NFATC2IP: variants seen among roughly 807,000 people sequenced by gnomAD.
NFATC2IP encodes the protein nuclear factor of activated T cells 2 interacting protein.
A neutral mutation model predicts 40.2 loss-of-function variants in NFATC2IP; 25 were observed. The observed-to-expected ratio is 0.62, with a 90% CI of 0.45 to 0.87. The LOEUF is 0.87. NFATC2IP is among the 40% of genes least tolerant of loss of function. The pLI, the probability that NFATC2IP is intolerant of heterozygous loss-of-function variation, is 0.00. For missense variants in NFATC2IP, 553 were observed against 555.6 expected (o/e 1.00, Z 0.05); for synonymous variants, 241 against 236.3 (o/e 1.02, Z -0.18).
chr16:28,963,172 A>T (rs188459505), intron 7 of NFATC2IP, among the ~76,000 whole-genome samples: 2 of 152,332 alleles, frequency 1.3e-5, no homozygotes, highest in Admixed American at 6.5e-5. Flanking sequence ...CCAATCCAGT[A>T]CAACCTCAAC....
rs2141636496 is a variant in NFATC2IP, at chr16:28,951,008, T to C, written c.-4T>C. 3 of 1,501,182 alleles carry C rather than the reference T, an allele frequency of 2.0e-6. No homozygotes were observed. Among genetic ancestry groups the C allele is most frequent in the East Asian group, 2.4e-5 (1 of 40,824 alleles). The allele number at this position is 1,501,182 out of a possible 1,614,324, so 93.0% of individuals were successfully genotyped here. On this transcript the variant is annotated 5_prime_UTR_variant, in exon 1 of 8. Coordinates refer to ENST00000320805, the MANE Select transcript of NFATC2IP (RefSeq NM_032815.4). ...CGGGCGTGTGTTGTGGAGGAAAGTG[T>C]GCCATGGCGGAGCCTGTGGGGAAGC...
chr16:28,956,939 C>G (rs1965028725), intron 5 of NFATC2IP: 1 of 152,202 alleles, frequency 6.6e-6, no homozygotes, highest in African/African-American at 2.4e-5. Flanking sequence ...ATCAGTCAAG[C>G]AACTAAGGCA....
chr16:28,960,882 C>T (rs1373333542), intron 7 of NFATC2IP, among the ~76,000 whole-genome samples: 1 of 152,194 alleles, frequency 6.6e-6, no homozygotes, highest in Non-Finnish European at 1.5e-5. Flanking sequence ...GCCTTCTGTT[C>T]ATAACAATAT....
At chr16:28,963,583 G>A in intron 7 of NFATC2IP, 122 bp from the exon 8 acceptor site, 1 of 800,782 alleles carries the variant, frequency 1.2e-6, no homozygotes. Context: ...CCCGCATGGG[G>A]CCCTGACTTT....
rs756058734 is a variant in NFATC2IP at position 28,965,878 on chromosome 16, A to G, written c.*2015A>G. On this transcript the variant is annotated 3_prime_UTR_variant, in exon 8 of 8. Coordinates refer to ENST00000320805, the MANE Select transcript of NFATC2IP (RefSeq NM_032815.4). The stretch of plus-strand genomic sequence containing the variant: ...AAGACCACCCTGACCAACTTGGTGA[A>G]ATCCCATCTCTACTAAAAATACAAA... 3.3e-5 allele frequency: 5 copies of G among 151,704 alleles called. No homozygotes were observed. Among genetic ancestry groups the G allele is most frequent in the Non-Finnish European group, 7.4e-5 (5 of 67,932 alleles). The allele number at this position is 151,704 out of a possible 1,614,324, so 9.4% of individuals were successfully genotyped here.
At chr16:28,952,437 C>T in intron 2 of NFATC2IP, 1 of 576,488 alleles carries the variant, frequency 1.7e-6, no homozygotes, top group Non-Finnish European at 2.9e-6. Context: ...CTGGGCGGGG[C>T]AGGAGGCGGT....
intron 5 of NFATC2IP, 155 bp from the exon 6 acceptor site, chr16:28,958,562 G>A (rs911218887): frequency 1.5e-5 from 10 of 667,816 alleles, no homozygotes; most frequent in Middle Eastern, 5.1e-4. Context: ...TTGCTGACAC[G>A]ATTTTATTCT....
At position 28,958,044 on chromosome 16, in the gene NFATC2IP, A is replaced by T. The variant is rs191741976; in HGVS notation, c.847-673A>T. Among the ~76,000 whole-genome samples, 4 of 151,854 alleles carry T rather than the reference A, an allele frequency of 2.6e-5. 1 individual carries two copies. The highest frequency in any genetic ancestry group is 2.6e-4 in the Admixed American group (4 of 15,232). On this transcript the variant is annotated intron_variant, in intron 5 of 7. Coordinates refer to ENST00000320805, the MANE Select transcript of NFATC2IP (RefSeq NM_032815.4). Reference sequence around the variant, plus strand: ...ATGAAAGAGCGAGACTCTGCCTCAGATCTCACCTGAGATCAGGAGTTCAAG... The same window carrying T: ...ATGAAAGAGCGAGACTCTGCCTCAGTTCTCACCTGAGATCAGGAGTTCAAG...
intron 5 of NFATC2IP, 94 bp from the exon 6 acceptor site, chr16:28,958,623 G>A (rs1965048109): frequency 1.9e-6 from 2 of 1,051,886 alleles, no homozygotes; most frequent in Non-Finnish European, 2.8e-6. Context: ...AGCTTAGCAA[G>A]TAGCTAAGGC....
intron 7 of NFATC2IP, among the ~76,000 whole-genome samples, chr16:28,961,580 T>G (rs112206395): frequency 6.6e-6 from 1 of 151,862 alleles, no homozygotes; most frequent in Non-Finnish European, 1.5e-5. Context: ...AAACTCAGGA[T>G]TTTTTTCTTT....
At position 28,961,325 on chromosome 16, in the gene NFATC2IP, GAAAAAAAAAAAAAAAA is replaced by G. The variant is rs138576594; in HGVS notation, c.1101+2239_1101+2254del. 8.4e-4 allele frequency among the ~76,000 whole-genome samples: 44 copies of G among 52,258 alleles called. No homozygotes were observed. The Admixed American group carries it at 0.011, about 13-fold the overall frequency. The allele number at this position is 52,258 out of a possible 152,430, so 34.3% of individuals were successfully genotyped here. A position where few individuals can be genotyped will look rare whatever the true frequency, so the allele number is the denominator to read the frequency against. ...CCTGGGAGACAGCAAGACCCTATCT[GAAAAAAAAAAAAAAAA>G]AAAAAAAAAAAAATTATTCCAGCCC... is the stretch of plus-strand genomic sequence containing the variant. On this transcript the variant is annotated intron_variant, in intron 7 of 7. Coordinates refer to ENST00000320805, the MANE Select transcript of NFATC2IP (RefSeq NM_032815.4).
rs146213110 is a variant in NFATC2IP, at chr16:28,956,508, C to T, written c.846+171C>T. ...CCTGCCTTCACACTTTTTGTTTCCT[C>T]TGTCTGCATTTTCCCAACGCTCCCC... On this transcript the variant is annotated intron_variant, in intron 5 of 7. Transcript: ENST00000320805. 501 of 592,770 alleles carry T rather than the reference C, an allele frequency of 8.5e-4. 4 individuals carry two copies. Among genetic ancestry groups the T allele is most frequent in the African/African-American group, 8.3e-3 (445 of 53,786 alleles). The allele number at this position is 592,770 out of a possible 1,614,324, so 36.7% of individuals were successfully genotyped here. A position where few individuals can be genotyped will look rare whatever the true frequency, so the allele number is the denominator to read the frequency against.
rs1965020040 is a variant in NFATC2IP at position 28,956,242 on chromosome 16, G to A, written c.751G>A (p.Val251Ile). 6.2e-7 allele frequency: 1 copy of A among 1,614,002 alleles called. No homozygotes were observed. The highest frequency in any genetic ancestry group is 8.5e-7 in the Non-Finnish European group (1 of 1,179,906). Residue 251 changes from valine (V) to isoleucine (I), a missense_variant, in exon 5 of 8, where the codon GTC becomes ATC. Physicochemically the swap from Val to Ile is conservative, Grantham distance 29 (BLOSUM62 3). Coordinates refer to ENST00000320805, the MANE Select transcript of NFATC2IP (RefSeq NM_032815.4). ...GCAACAGGGCCAAGAGGATGAAGTG[G>A]TCTTGGTGGAAGGGCCCACCCTCCC... ...QEQQGQEDEV[V>I]LVEGPTLPET...
chr16:28,951,483 C>T, intron 1 of NFATC2IP, 85 bp downstream of exon 1: 1 of 1,267,950 alleles, frequency 7.9e-7, no homozygotes, highest in Non-Finnish European at 1.0e-6. Flanking sequence ...GAGGGTAGGG[C>T]TATAGGGGTG....
At position 28,951,080 on chromosome 16, in the gene NFATC2IP, C is replaced by T. The variant is rs530476314; in HGVS notation, c.69C>T (p.Gly23=). ...GGSGAGRGGR[G]GWGGRGRRPR... ...GCGGTGCCGGCCGAGGGGGTCGGGG[C>T]GGCTGGGGCGGTCGGGGCCGGCGTC... The change falls in exon 1 of 8, where the codon GGC becomes GGT. Residue 23 remains glycine (G), a synonymous_variant. Transcript: ENST00000320805. The T allele has an allele frequency of 2.5e-5, 39 of 1,541,392 alleles. No individual in the cohort carries two copies. Among genetic ancestry groups the T allele is most frequent in the African/African-American group, 1.4e-4 (10 of 72,256 alleles).
At position 28,964,657 on chromosome 16, in the gene NFATC2IP, G is replaced by A. The variant is rs1277770306; in HGVS notation, c.*794G>A. ...AGCACCCATGTCTTTGAATATGAAT[G>A]TATTTGTAAAATACCACGTTTCATG... On this transcript the variant is annotated 3_prime_UTR_variant, in exon 8 of 8. Transcript: ENST00000320805. 1 of 152,260 alleles carries A rather than the reference G, an allele frequency of 6.6e-6. No homozygotes were observed. The highest frequency in any genetic ancestry group is 2.4e-5 in the African/African-American group (1 of 41,416). 9.4% of individuals were successfully genotyped at this position (152,260 alleles called of 1,614,324 possible).
At chr16:28,959,615 G>A (rs910536260) in intron 7 of NFATC2IP, among the ~76,000 whole-genome samples, 13 of 131,950 alleles carry the variant, frequency 9.9e-5, no homozygotes, top group African/African-American at 3.5e-4. Flanking sequence ...TCGCCCTGTC[G>A]CCCAGGCTGA....
At chr16:28,962,791 A>C (rs1226578624) in intron 7 of NFATC2IP, among the ~76,000 whole-genome samples, 1 of 152,154 alleles carries the variant, frequency 6.6e-6, no homozygotes, top group Admixed American at 6.5e-5. Context: ...CTGGCGGCCC[A>C]CAGTCCTTGG....
intron 7 of NFATC2IP, among the ~76,000 whole-genome samples, chr16:28,962,603 C>T (rs1169045835): frequency 6.6e-6 from 1 of 152,174 alleles, no homozygotes; most frequent in Non-Finnish European, 1.5e-5. Flanking sequence ...CTGAAGCTCT[C>T]TAGGGGCTGC....
Sources: gnomAD v4.1 joint callset for allele counts (sites outside exome capture counted in the v4.1 genomes callset) on GRCh38, gnomAD v4.1.1 for gene constraint, MANE v1.5 for transcripts, NCBI Gene and HGNC (gene_info 2026-07-23, HGNC 2026-07-21) for gene names.